Variants in CHCHD6 observed in about 807,000 individuals in gnomAD.
CHCHD6 encodes coiled-coil-helix-coiled-coil-helix domain containing 6.
In CHCHD6, 28 loss-of-function variants were observed where a neutral mutation model predicts 32.3. The ratio of observed to expected loss-of-function variants is 0.87; its 90% CI spans 0.64 to 1.19. The LOEUF (loss-of-function observed/expected upper bound fraction) is 1.19. CHCHD6 is among the 50% of genes most tolerant of loss of function. The pLI, the probability that CHCHD6 is intolerant of heterozygous loss-of-function variation, is 0.00. For missense variants in CHCHD6, 333 were observed against 307.0 expected (o/e 1.08, Z -0.63); for synonymous variants, 122 against 117.5 (o/e 1.04, Z -0.25).
At chr3:126,833,743 G>A (rs570825669) in intron 4 of CHCHD6, among the ~76,000 whole-genome samples, 3 of 152,310 alleles carry the variant, frequency 2.0e-5, no homozygotes, top group Non-Finnish European at 4.4e-5. Flanking sequence ...GCTGGCCTGT[G>A]TTTTGCTTTT....
At chr3:126,813,154 A>AG (rs1367911248) in intron 4 of CHCHD6, among the ~76,000 whole-genome samples, 4 of 152,190 alleles carry the variant, frequency 2.6e-5, no homozygotes, top group Admixed American at 2.6e-4. Context: ...AATTTCAAAA[A>AG]TTTTGAGTTC....
intron 6 of CHCHD6, among the ~76,000 whole-genome samples, chr3:126,943,776 G>A (rs2078596255): frequency 6.6e-6 from 1 of 152,136 alleles, no homozygotes; most frequent in Non-Finnish European, 1.5e-5. Flanking sequence ...TTCTGAATGT[G>A]CTCGAGGAAG....
At chr3:126,796,394 A>G (rs931935860) in intron 4 of CHCHD6, among the ~76,000 whole-genome samples, 3 of 152,112 alleles carry the variant, frequency 2.0e-5, no homozygotes, top group African/African-American at 7.2e-5. Context: ...AGTCAATCAA[A>G]TGAAGGTTCT....
At chr3:126,903,294 C>T (rs943285976) in intron 5 of CHCHD6, among the ~76,000 whole-genome samples, 3 of 152,190 alleles carry the variant, frequency 2.0e-5, no homozygotes, top group African/African-American at 7.2e-5. Context: ...AGAGAACCAC[C>T]CCCGCCTTCA....
intron 4 of CHCHD6, among the ~76,000 whole-genome samples, chr3:126,816,924 C>T (rs995492115): frequency 1.3e-5 from 2 of 152,064 alleles, no homozygotes; most frequent in African/African-American, 2.4e-5. Flanking sequence ...CAAGTGTTCT[C>T]ATTGTTCAAT....
chr3:126,872,676 C>T (rs2077491486), intron 5 of CHCHD6, among the ~76,000 whole-genome samples: 1 of 152,204 alleles, frequency 6.6e-6, no homozygotes, highest in Non-Finnish European at 1.5e-5. Flanking sequence ...GCACTGAACT[C>T]ACAGGCTTCC....
intron 5 of CHCHD6, among the ~76,000 whole-genome samples, chr3:126,869,274 T>C (rs2077432078): frequency 6.6e-6 from 1 of 150,882 alleles, no homozygotes; most frequent in Admixed American, 6.6e-5. Flanking sequence ...CAGGTCTCTT[T>C]GCACACCAGT....
At chr3:126,741,464 C>T (rs1298700791) in intron 4 of CHCHD6, among the ~76,000 whole-genome samples, 2 of 151,948 alleles carry the variant, frequency 1.3e-5, no homozygotes, top group Non-Finnish European at 2.9e-5. Flanking sequence ...TATTGATGGC[C>T]AGATGCCATG....
chr3:126,759,414 A>G (rs1937082710), intron 4 of CHCHD6, among the ~76,000 whole-genome samples: 1 of 152,178 alleles, frequency 6.6e-6, no homozygotes, highest in African/African-American at 2.4e-5. Flanking sequence ...TCCTTGTCCC[A>G]ATCAAGTCTT....
intron 4 of CHCHD6, among the ~76,000 whole-genome samples, chr3:126,764,299 C>G (rs1458807350): frequency 1.3e-5 from 2 of 151,008 alleles, no homozygotes; most frequent in Non-Finnish European, 2.9e-5. Context: ...CTTTGATTCC[C>G]CTTCATGCTA....
chr3:126,836,665 G>A (rs1047920775), intron 4 of CHCHD6, among the ~76,000 whole-genome samples: 2 of 152,216 alleles, frequency 1.3e-5, no homozygotes, highest in African/African-American at 4.8e-5. Context: ...GACCGGGAGA[G>A]GCAAAGCGCT....
intron 4 of CHCHD6, among the ~76,000 whole-genome samples, chr3:126,743,786 C>A (rs1413077554): frequency 1.3e-5 from 2 of 152,188 alleles, no homozygotes; most frequent in African/African-American, 4.8e-5. Context: ...CCGTCCCTGA[C>A]TTCCTACTTT....
intron 4 of CHCHD6, among the ~76,000 whole-genome samples, chr3:126,746,274 G>A (rs540025142): frequency 3.9e-5 from 6 of 152,282 alleles, no homozygotes; most frequent in Admixed American, 1.3e-4. Flanking sequence ...CTCGCACAGC[G>A]GGCATGGCCT....
intron 6 of CHCHD6, 78 bp downstream of exon 6, chr3:126,914,828 C>T: frequency 1.3e-6 from 1 of 791,628 alleles, no homozygotes; most frequent in Non-Finnish European, 2.3e-6. Context: ...AAACCTGCCA[C>T]CACCTGCCTA....
chr3:126,937,717 A>T (rs2078501186), intron 6 of CHCHD6, among the ~76,000 whole-genome samples: 1 of 152,170 alleles, frequency 6.6e-6, no homozygotes, highest in South Asian at 2.1e-4. Flanking sequence ...CCTGTCCCAG[A>T]GCATGCTGGG....
intron 4 of CHCHD6, among the ~76,000 whole-genome samples, chr3:126,828,197 T>G (rs1254815936): frequency 6.6e-6 from 1 of 152,166 alleles, no homozygotes; most frequent in Non-Finnish European, 1.5e-5. Context: ...TACCTCGTGG[T>G]TTCAGTTATC....
chr3:126,959,343 G>C (rs1463241058), intron 7 of CHCHD6, among the ~76,000 whole-genome samples: 1 of 152,246 alleles, frequency 6.6e-6, no homozygotes, highest in Non-Finnish European at 1.5e-5. Context: ...CCTTGGCAGT[G>C]TGTGTGCATT....
intron 6 of CHCHD6, among the ~76,000 whole-genome samples, chr3:126,915,733 G>A (rs1224958748): frequency 6.6e-6 from 1 of 152,218 alleles, no homozygotes; most frequent in Non-Finnish European, 1.5e-5. Context: ...AGTAGGGACA[G>A]ACAAACAGTC....
chr3:126,755,668 TA>T (rs1415217935), intron 4 of CHCHD6, among the ~76,000 whole-genome samples: 41 of 152,126 alleles, frequency 2.7e-4, no homozygotes, highest in African/African-American at 9.4e-4. Context: ...TCTATTAGTC[TA>T]AAAAAAGATA....
Sources: allele counts gnomAD v4.1 joint callset (sites outside exome capture counted in the v4.1 genomes callset), GRCh38; gene constraint gnomAD v4.1.1; transcripts MANE v1.5; gene names NCBI Gene and HGNC (gene_info 2026-07-23, HGNC 2026-07-21).